The following PEAK1 variants were observed in gnomAD, a reference collection of about 807,000 sequenced individuals.
PEAK1 encodes the protein pseudopodium enriched atypical kinase 1.
Under a neutral mutation model 124.7 loss-of-function variants are expected in PEAK1, and 54 were observed. That is an observed-to-expected ratio of 0.43 (90% CI 0.35 to 0.54). The LOEUF is 0.54. Among genes scored for constraint, PEAK1 ranks in the 20% least tolerant of loss-of-function variants. The pLI is 0.01. For synonymous variants in PEAK1, 719 were observed against 760.0 expected (o/e 0.95, Z 0.89); for missense variants, 2,046 against 2,134.5 (o/e 0.96, Z 0.82).
intron 6 of PEAK1, among the ~76,000 whole-genome samples, chr15:77,201,860 T>C (rs1381853170): frequency 1.3e-5 from 2 of 152,198 alleles, no homozygotes; most frequent in Admixed American, 6.5e-5. Context: ...GCTAGGGGCA[T>C]AAATGACTAA....
At chr15:77,236,125 C>A (rs1251286070) in intron 6 of PEAK1, among the ~76,000 whole-genome samples, 2 of 152,226 alleles carry the variant, frequency 1.3e-5, no homozygotes, top group African/African-American at 4.8e-5. Flanking sequence ...CACACAGAGT[C>A]CCCACTGGGC....
upstream of PEAK1, chr15:77,420,582 A>G (rs2073290001): frequency 3.2e-6 from 1 of 317,012 alleles, no homozygotes; most frequent in Non-Finnish European, 5.7e-6. Context: ...ATATGTAGTC[A>G]TGACCAATTT....
At chr15:77,311,760 T>G (rs1359362605) in intron 2 of PEAK1, among the ~76,000 whole-genome samples, 2 of 148,550 alleles carry the variant, frequency 1.3e-5, no homozygotes, top group Admixed American at 6.7e-5. Flanking sequence ...AGATAAGGTG[T>G]GCGTCTGGTG....
At chr15:77,235,446 C>T (rs1380403390) in intron 6 of PEAK1, among the ~76,000 whole-genome samples, 1 of 152,122 alleles carries the variant, frequency 6.6e-6, no homozygotes, top group Admixed American at 6.5e-5. Context: ...GCAAAGGTGA[C>T]TCTTGTGCAT....
chr15:77,332,370 G>A (rs1188164614), intron 2 of PEAK1: 3 of 557,880 alleles, frequency 5.4e-6, no homozygotes. Context: ...GAGGCTGAGA[G>A]GGGCAGATCA....
At chr15:77,276,248 C>A (rs1597062957) in intron 5 of PEAK1, among the ~76,000 whole-genome samples, 1 of 152,100 alleles carries the variant, frequency 6.6e-6, no homozygotes, top group East Asian at 1.9e-4. Flanking sequence ...ACAAGTAAAC[C>A]CCAAACAGTG....
chr15:77,362,411 A>C (rs1331000476), intron 2 of PEAK1, among the ~76,000 whole-genome samples: 1 of 152,214 alleles, frequency 6.6e-6, no homozygotes, highest in African/African-American at 2.4e-5. Flanking sequence ...AAAAGTTCAT[A>C]ATAAGTCACT....
At chr15:77,221,706 T>C (rs1356068500) in intron 6 of PEAK1, among the ~76,000 whole-genome samples, 1 of 152,136 alleles carries the variant, frequency 6.6e-6, no homozygotes, top group Non-Finnish European at 1.5e-5. Flanking sequence ...GAAAAAGGAA[T>C]TTAAAAACCA....
At chr15:77,403,143 G>T in intron 1 of PEAK1, 2 of 985,190 alleles carry the variant, frequency 2.0e-6, no homozygotes, top group South Asian at 9.4e-5. Flanking sequence ...CATATTACAG[G>T]ATTTAAAATA....
chr15:77,343,481 A>AC (rs1251362205), intron 2 of PEAK1, among the ~76,000 whole-genome samples: 15 of 111,242 alleles, frequency 1.3e-4, no homozygotes, highest in Admixed American at 3.8e-4. Flanking sequence ...AGTCCAACTT[A>AC]CTTTTTTTTT....
intron 8 of PEAK1, among the ~76,000 whole-genome samples, chr15:77,146,837 T>A (rs2054211015): frequency 6.6e-6 from 1 of 152,096 alleles, no homozygotes; most frequent in Non-Finnish European, 1.5e-5. Flanking sequence ...CTCAGCATAA[T>A]TTTTTTTAAA....
chr15:77,228,060 T>C (rs577226284), intron 6 of PEAK1, among the ~76,000 whole-genome samples: 5 of 152,188 alleles, frequency 3.3e-5, no homozygotes, highest in South Asian at 2.1e-4. Flanking sequence ...TAAATATTTG[T>C]TGGACACTTA....
intron 2 of PEAK1, among the ~76,000 whole-genome samples, chr15:77,324,038 A>T (rs1259751255): frequency 6.6e-6 from 1 of 152,222 alleles, no homozygotes; most frequent in Non-Finnish European, 1.5e-5. Flanking sequence ...TGGGGAAAGG[A>T]TTCCCTATTT....
At position 77,181,461 on chromosome 15, in the gene PEAK1, T is replaced by C; in HGVS notation, c.466A>G (p.Ile156Val). The C allele has an allele frequency of 6.2e-7, 1 of 1,614,220 alleles. No individual in the cohort carries two copies. The highest frequency in any genetic ancestry group is 1.6e-4 in the Middle Eastern group (1 of 6,062). The change falls in exon 7 of 10, where the codon ATA (isoleucine) becomes GTA (valine). Residue 156 changes from isoleucine (I) to valine (V), a missense_variant. Physicochemically the swap from Ile to Val is conservative, Grantham distance 29. Transcript: ENST00000682557. ...TGAGGGGCAGTATCCAAGCCTGCTATCTCCTTTAACACTTCAGTTAGTCCA... is the reference window on the plus strand; with the variant it reads ...TGAGGGGCAGTATCCAAGCCTGCTACCTCCTTTAACACTTCAGTTAGTCCA... ...NNGLTEVLKE[I>V]AGLDTAPQIR...
intron 1 of PEAK1, among the ~76,000 whole-genome samples, chr15:77,371,793 CAGG>C (rs1387957098): frequency 1.3e-5 from 2 of 152,168 alleles, no homozygotes; most frequent in African/African-American, 2.4e-5. Flanking sequence ...GAGGCTGAGA[CAGG>C]AGAATTGCTT....
chr15:77,327,550 G>T (rs1567265007), intron 2 of PEAK1, among the ~76,000 whole-genome samples: 1 of 151,930 alleles, frequency 6.6e-6, no homozygotes, highest in Non-Finnish European at 1.5e-5. Flanking sequence ...TATGACAAAA[G>T]ATCAATATTA....
At chr15:77,333,687 A>G in intron 2 of PEAK1, 1 of 972,594 alleles carries the variant, frequency 1.0e-6, no homozygotes, top group Non-Finnish European at 1.2e-6. Context: ...ACTTTTGTTT[A>G]CTAATTCATT....
At chr15:77,274,556 T>G (rs1167760365) in intron 5 of PEAK1, among the ~76,000 whole-genome samples, 2 of 151,788 alleles carry the variant, frequency 1.3e-5, no homozygotes, top group African/African-American at 4.8e-5. Flanking sequence ...AAAACCACAA[T>G]GAGATACTAC....
intron 2 of PEAK1, among the ~76,000 whole-genome samples, chr15:77,313,702 A>ATATATATATATATATATATATG (rs1213561861): frequency 1.1e-4 from 13 of 119,436 alleles, no homozygotes; most frequent in African/African-American, 4.0e-4. Flanking sequence ...GTATATATAT[A>ATATATATATATATATATATATG]TATGTATGTG....
Sources: gnomAD v4.1 joint callset for allele counts (sites outside exome capture counted in the v4.1 genomes callset) on GRCh38, gnomAD v4.1.1 for gene constraint, MANE v1.5 for transcripts, NCBI Gene and HGNC (gene_info 2026-07-23, HGNC 2026-07-21) for gene names.